The following LEMD3 variants were observed in gnomAD, a reference collection of about 807,000 sequenced individuals.
The protein encoded by LEMD3 is inner nuclear membrane protein Man1.
In LEMD3, 33 loss-of-function variants were observed where a neutral mutation model predicts 95.2. That is an observed-to-expected ratio of 0.35 (90% CI 0.26 to 0.46). LEMD3 has a LOEUF of 0.46. LEMD3 is among the 20% of genes least tolerant of loss of function. The pLI, the probability that LEMD3 is intolerant of heterozygous loss-of-function variation, is 1.00. For synonymous variants in LEMD3, 525 were observed against 474.6 expected (o/e 1.11, Z -1.38); for missense variants, 1,210 against 1,192.8 (o/e 1.01, Z -0.21).
At chr12:65,189,896 C>A (rs1869184525) in intron 1 of LEMD3, among the ~76,000 whole-genome samples, 1 of 152,056 alleles carries the variant, frequency 6.6e-6, no homozygotes, top group African/African-American at 2.4e-5. Context: ...GCCCGTAATA[C>A]CTATAGATTT....
chr12:65,173,942 C>CAT (rs1476538068), intron 1 of LEMD3, among the ~76,000 whole-genome samples: 9 of 151,982 alleles, frequency 5.9e-5, no homozygotes, highest in East Asian at 3.9e-4. Flanking sequence ...ATTTTCACTC[C>CAT]ATATATATAT....
At chr12:65,227,950 T>C (rs147491919) in intron 4 of LEMD3, among the ~76,000 whole-genome samples, 2,354 of 152,218 alleles carry the variant, frequency 0.015, 28 homozygotes, top group Middle Eastern at 0.041. Flanking sequence ...CTATATTGAC[T>C]CTATTCAGTA....
intron 4 of LEMD3, among the ~76,000 whole-genome samples, chr12:65,221,162 T>G (rs1022389430): frequency 1.0e-4 from 15 of 145,186 alleles, no homozygotes; most frequent in African/African-American, 3.8e-4. Context: ...TTTATTTGTG[T>G]CTTTTATTTC....
At chr12:65,194,114 A>T (rs2136326205) in intron 1 of LEMD3, among the ~76,000 whole-genome samples, 1 of 152,254 alleles carries the variant, frequency 6.6e-6, no homozygotes, top group East Asian at 1.9e-4. Flanking sequence ...TGTCTTTAAG[A>T]GTTTAAGTAA....
At chr12:65,200,203 C>T (rs1869556028) in intron 1 of LEMD3, among the ~76,000 whole-genome samples, 2 of 152,028 alleles carry the variant, frequency 1.3e-5, no homozygotes, top group Non-Finnish European at 2.9e-5. Context: ...GGTCACTTTC[C>T]ACCATCAATC....
intron 1 of LEMD3, among the ~76,000 whole-genome samples, chr12:65,194,724 C>G (rs1020834472): frequency 7.7e-6 from 1 of 130,626 alleles, no homozygotes; most frequent in South Asian, 2.6e-4. Context: ...TTGGGCTCCT[C>G]TCATCTTCCT....
chr12:65,212,078 G>A (rs568916786), intron 2 of LEMD3, among the ~76,000 whole-genome samples: 71 of 152,078 alleles, frequency 4.7e-4, no homozygotes, highest in African/African-American at 1.5e-3. Context: ...CCTCACAGTC[G>A]TGGCGGAAGG....
chr12:65,219,794 G>T (rs922557924), intron 4 of LEMD3, among the ~76,000 whole-genome samples: 3 of 152,092 alleles, frequency 2.0e-5, no homozygotes, highest in Non-Finnish European at 2.9e-5. Context: ...CATATAAGTT[G>T]AATCCTGCAA....
chr12:65,185,881 G>A (rs749123141), intron 1 of LEMD3, among the ~76,000 whole-genome samples: 3 of 151,808 alleles, frequency 2.0e-5, no homozygotes, highest in Non-Finnish European at 2.9e-5. Context: ...AAAAATTCAG[G>A]CATTATAAAA....
chr12:65,225,802 G>A lies in LEMD3; in HGVS notation c.1695+7183G>A, dbSNP rs191861190. On this transcript the variant is annotated intron_variant, in intron 4 of 12. Coordinates refer to ENST00000308330, the MANE Select transcript of LEMD3 (RefSeq NM_014319.5). ...TCACCATGTTAGCCAGGATGGTCTC[G>A]ATCTCCTGACCTTGTGATCCACCTA... Among the ~76,000 whole-genome samples the A allele has an allele frequency of 8.8e-3, 1,340 of 152,220 alleles. 12 individuals carry two copies. Among genetic ancestry groups the A allele is most frequent in the South Asian group, 0.042 (204 of 4,822 alleles).
At chr12:65,192,876 A>G (rs927426408) in intron 1 of LEMD3, among the ~76,000 whole-genome samples, 2 of 152,200 alleles carry the variant, frequency 1.3e-5, no homozygotes, top group Non-Finnish European at 2.9e-5. Context: ...GATTTTGGAA[A>G]CTGGTTTTAA....
intron 1 of LEMD3, among the ~76,000 whole-genome samples, chr12:65,209,703 C>T (rs1157165589): frequency 1.3e-5 from 2 of 151,956 alleles, no homozygotes; most frequent in South Asian, 4.1e-4. Context: ...AGAGAAATGT[C>T]GTTTAAAAAT....
At chr12:65,197,752 T>C (rs2136328447) in intron 1 of LEMD3, among the ~76,000 whole-genome samples, 1 of 152,234 alleles carries the variant, frequency 6.6e-6, no homozygotes, top group African/African-American at 2.4e-5. Context: ...CTTCCACCTC[T>C]ATATGTTGTC....
In LEMD3 at chr12:65,238,055, G is replaced by C. The variant is rs536455581; in HGVS notation, c.1696-447G>C. On this transcript the variant is annotated intron_variant, in intron 4 of 12. Transcript: ENST00000308330. ...AGTCCAAGGCTGGCGGATCACTTGA[G>C]GTCAGGAGTTTAAGTCCAGCCTGGC... Among the ~76,000 whole-genome samples the C allele has an allele frequency of 1.8e-3, 281 of 152,278 alleles. 1 individual carries two copies. Among genetic ancestry groups the C allele is most frequent in the African/African-American group, 6.6e-3 (274 of 41,546 alleles).
intron 1 of LEMD3, among the ~76,000 whole-genome samples, chr12:65,206,720 A>G (rs1438123821): frequency 6.6e-6 from 1 of 152,114 alleles, no homozygotes; most frequent in Non-Finnish European, 1.5e-5. Context: ...TCCCTAGACT[A>G]CAATTGGAGA....
rs957055240 is a variant in LEMD3 at position 65,237,001 on chromosome 12, G to C, written c.1696-1501G>C. Among the ~76,000 whole-genome samples the C allele has an allele frequency of 7.9e-5, 12 of 151,860 alleles. No homozygotes were observed. The East Asian group carries it at 2.1e-3, about 27-fold the overall frequency. On this transcript the variant is annotated intron_variant, in intron 4 of 12. Transcript: ENST00000308330. ...TTCCCTATAATTACTGAGGACTCTG[G>C]CTTTTGTTTGTGGGAGATATACATT...
intron 1 of LEMD3, among the ~76,000 whole-genome samples, chr12:65,177,641 T>C (rs1480141126): frequency 1.3e-5 from 2 of 152,174 alleles, no homozygotes; most frequent in Admixed American, 6.6e-5. Flanking sequence ...GGAATACTTT[T>C]AAATGTTTGT....
At chr12:65,231,531 A>T (rs186074661) in intron 4 of LEMD3, among the ~76,000 whole-genome samples, 21 of 152,142 alleles carry the variant, frequency 1.4e-4, no homozygotes, top group Admixed American at 1.3e-3. Context: ...CAAAAAAAAA[A>T]TTTTAAATAG....
intron 1 of LEMD3, among the ~76,000 whole-genome samples, chr12:65,201,519 T>C (rs12422861): frequency 0.071 from 10,748 of 152,210 alleles, 484 homozygotes; most frequent in East Asian, 0.15. Context: ...ACATGTTTTG[T>C]TAGATTTACC....
Sources: gnomAD v4.1 joint callset for allele counts (sites outside exome capture counted in the v4.1 genomes callset) on GRCh38, gnomAD v4.1.1 for gene constraint, MANE v1.5 for transcripts, NCBI Gene and HGNC (gene_info 2026-07-23, HGNC 2026-07-21) for gene names.